The following DST variants were observed in gnomAD, a reference collection of about 807,000 sequenced individuals.
DST encodes the protein bullous pemphigoid antigen.
DST carries 253 observed loss-of-function variants against 875.2 expected under a neutral mutation model. The ratio of observed to expected loss-of-function variants is 0.29; its 90% CI spans 0.26 to 0.32. The LOEUF is 0.32. Among genes scored for constraint, DST ranks in the 10% least tolerant of loss-of-function variants. The pLI is 1.00. For synonymous variants in DST, 3,124 were observed against 3,197.1 expected, an observed-to-expected ratio of 0.98 and a Z score of 0.77; for missense variants, 8,287 against 9,111.6, an observed-to-expected ratio of 0.91 and a Z score of 3.68.
intron 55 of DST, among the ~76,000 whole-genome samples, chr6:56,565,125 CT>C (rs540989404): frequency 4.1e-4 from 50 of 122,756 alleles, no homozygotes; most frequent in East Asian, 7.3e-4. Context: ...TTTTTTTTTT[CT>C]TTTTTTTTTT....
At position 56,900,594 on chromosome 6, in the gene DST, T is replaced by C. The variant is rs754520487; in HGVS notation, c.244A>G (p.Arg82Gly). The change falls in exon 3 of 104, where the codon AGA (arginine) becomes GGA (glycine). Residue 82 changes from arginine to glycine, a missense_variant. Physicochemically the swap from Arg to Gly is moderately radical, Grantham distance 125. Around this residue, in one of 10 missense-constraint regions of DST, gnomAD observed 1,160 missense variants for 1,424.3 expected, o/e 0.81. Transcript: ENST00000680361. ...GCTGCGGCCGCTGCAACTCGTCTTC[T>C]AAGATGCCGAGGGCTTGCTCTGAAT... is the stretch of plus-strand genomic sequence containing the variant. ...EGFRASPRHL[R>G]RRVAAAAAAR... 2 of 1,367,638 alleles carry C rather than the reference T, an allele frequency of 1.5e-6. No individual in the cohort carries two copies. Among genetic ancestry groups the C allele is most frequent in the African/African-American group, 2.9e-5 (2 of 67,850 alleles). 84.7% of individuals were successfully genotyped at this position (1,367,638 alleles called of 1,614,324 possible).
chr6:56,651,200 A>G lies in DST; in HGVS notation c.1259T>C (p.Leu420Pro). The part of the protein sequence containing the change: ...DMNTVAVQSN[L>P]ANLEHAFYVA... Reference sequence around the variant, plus strand: ...GTAAAAAGCATGCTCTAAATTTGCAAGGTTGCTTTGAACAGCAACAGTATT... The same window carrying G: ...GTAAAAAGCATGCTCTAAATTTGCAGGGTTGCTTTGAACAGCAACAGTATT... Residue 420 changes from leucine to proline, a missense_variant, in exon 11 of 104, where the codon CTT becomes CCT. Physicochemically the swap from Leu to Pro is moderately conservative, Grantham distance 98. This residue lies in a region of DST where 1,160 missense variants were observed against 1,424.3 expected (regional missense o/e 0.81). Transcript: ENST00000680361. The G allele has an allele frequency of 1.2e-6, 2 of 1,611,844 alleles. No homozygotes were observed.
Position 56,609,044 on chromosome 6 carries a change from T to C in DST, c.5584A>G (p.Ser1862Gly). 1.2e-6 allele frequency: 2 copies of C among 1,613,880 alleles called. No individual in the cohort carries two copies. Among genetic ancestry groups the C allele is most frequent in the Non-Finnish European group, 1.7e-6 (2 of 1,179,804 alleles). Residue 1862 changes from serine (S) to glycine (G), a missense_variant, in exon 40 of 104, where the codon AGC becomes GGC. Physicochemically the swap from Ser to Gly is moderately conservative, Grantham distance 56 (BLOSUM62 0). Coordinates refer to ENST00000680361, the MANE Select transcript of DST (RefSeq NM_001374736.1). The stretch of plus-strand genomic sequence containing the variant: ...ATGGCCATGGATTCTGTTATCATGC[T>C]TTGAGCTAGAGCATCCAGTACTGGA... ...TIPVLDALAQ[S>G]MITESMAIKV...
At chr6:56,925,221 GTGT>G (rs558757438) in intron 2 of DST, among the ~76,000 whole-genome samples, 41 of 152,230 alleles carry the variant, frequency 2.7e-4, no homozygotes, top group African/African-American at 9.6e-4. Flanking sequence ...CATCACACTA[GTGT>G]TGTTTTTTTT....
chr6:56,621,319 C>T (rs2098688947), intron 36 of DST, among the ~76,000 whole-genome samples: 3 of 152,148 alleles, frequency 2.0e-5, no homozygotes, highest in African/African-American at 4.8e-5. Flanking sequence ...GAAAATTATA[C>T]AAAAACTTGA....
intron 4 of DST, among the ~76,000 whole-genome samples, chr6:56,801,854 A>G (rs929916369): frequency 4.0e-5 from 6 of 150,474 alleles, no homozygotes; most frequent in Non-Finnish European, 7.4e-5. Flanking sequence ...GGTTCAAGCG[A>G]TTCTCCTGAC....
chr6:56,629,388 T>C lies in DST; in HGVS notation c.4337A>G (p.Glu1446Gly), dbSNP rs779339222. ...KRQVFHALED[E>G]LQKAKAISDE... is the part of the protein sequence containing the mutation. ...ACTGATGGCTTTAGCTTTCTGCAACTCATCCTCTAAGGCATGGAATACCTG... is the reference window on the plus strand; with the variant it reads ...ACTGATGGCTTTAGCTTTCTGCAACCCATCCTCTAAGGCATGGAATACCTG... The change falls in exon 32 of 104, where the codon GAG becomes GGG. Residue 1446 changes from glutamate (E) to glycine (G), a missense_variant. By Grantham distance (98) the Glu-to-Gly change is moderately conservative (BLOSUM62 -2). Around this residue, in one of 10 missense-constraint regions of DST, gnomAD observed 3,138 missense variants for 3,116.6 expected, o/e 1.01. Transcript: ENST00000680361. 1 of 1,613,658 alleles carries C rather than the reference T, an allele frequency of 6.2e-7. No individual in the cohort carries two copies. The highest frequency in any genetic ancestry group is 1.1e-5 in the South Asian group (1 of 91,076).
intron 2 of DST, among the ~76,000 whole-genome samples, chr6:56,901,115 C>T (rs1221489120): frequency 6.6e-6 from 1 of 152,172 alleles, no homozygotes; most frequent in Non-Finnish European, 1.5e-5. Flanking sequence ...GGGTTCCAAA[C>T]TCAAATGGAA....
chr6:56,758,076 A>C (rs1038326248), intron 4 of DST, among the ~76,000 whole-genome samples: 2 of 152,224 alleles, frequency 1.3e-5, no homozygotes, highest in Admixed American at 6.5e-5. Flanking sequence ...ACTTGGTATA[A>C]TCAAGCGCGT....
chr6:56,909,401 C>T (rs1488675797), intron 2 of DST, among the ~76,000 whole-genome samples: 3 of 152,202 alleles, frequency 2.0e-5, no homozygotes, highest in Admixed American at 1.3e-4. Context: ...ACAGCCACTT[C>T]TCCATGCTCT....
In DST at chr6:56,597,797, A is replaced by C. The variant is rs371778830; in HGVS notation, c.12138T>G (p.Val4046=). ...EVNGNLLETD[V]DGQVGTTQEN... is the part of the protein sequence containing the mutation. ...CCTGAGTGGTTCCAACTTGCCCATC[A>C]ACATCAGTCTCCAACAGGTTACCAT... is the stretch of plus-strand genomic sequence containing the variant. Residue 4046 remains valine (V), a synonymous_variant, in exon 47 of 104, where the codon GTT becomes GTG. Transcript: ENST00000680361. 1.2e-6 allele frequency: 2 copies of C among 1,613,936 alleles called. No homozygotes were observed. The highest frequency in any genetic ancestry group is 2.7e-5 in the African/African-American group (2 of 75,048).
intron 15 of DST, among the ~76,000 whole-genome samples, chr6:56,644,003 C>G (rs1038850783): frequency 6.6e-6 from 1 of 152,178 alleles, no homozygotes; most frequent in Non-Finnish European, 1.5e-5. Context: ...GAGGCTTAGA[C>G]GGTTAAAGAA....
Position 56,687,464 on chromosome 6 carries a change from A to T in DST, c.1047+12189T>A, listed in dbSNP as rs1054106692. Reference sequence around the variant, plus strand: ...TAGCCCTGTGACTTCTCTGGGCCTCAGTTTCTTCTTTTGTAAAATGAGTAT... The same window carrying T: ...TAGCCCTGTGACTTCTCTGGGCCTCTGTTTCTTCTTTTGTAAAATGAGTAT... On this transcript the variant is annotated intron_variant, in intron 9 of 103. Transcript: ENST00000680361. Among the ~76,000 whole-genome samples the T allele has an allele frequency of 3.9e-5, 6 of 152,276 alleles. No homozygotes were observed. The East Asian group carries it at 1.2e-3, about 29-fold the overall frequency.
intron 4 of DST, among the ~76,000 whole-genome samples, chr6:56,811,848 A>G (rs2153036155): frequency 6.6e-6 from 1 of 152,226 alleles, no homozygotes; most frequent in South Asian, 2.1e-4. Context: ...TAATCCCAGC[A>G]CTTTGGGAGG....
intron 95 of DST, 59 bp from the exon 96 acceptor site, chr6:56,470,341 C>G (rs781716970): frequency 2.9e-5 from 39 of 1,363,324 alleles, no homozygotes; most frequent in African/African-American, 7.2e-5. Context: ...AAGACATTCT[C>G]AATTGCACAT....
Position 56,605,781 on chromosome 6 carries a change from A to C in DST, c.8847T>G (p.Thr2949=). Residue 2949 remains threonine (T), a synonymous_variant, in exon 40 of 104, where the codon ACT becomes ACG. Transcript: ENST00000680361. ...ISHDNNNISS[T]SELGTDLANT... is the part of the protein sequence containing the mutation. ...TTGCTAGATCAGTACCTAATTCAGA[A>C]GTTGAACTGATATTATTATTATCAT... The C allele has an allele frequency of 6.2e-7, 1 of 1,612,682 alleles. No homozygotes were observed. Among genetic ancestry groups the C allele is most frequent in the Non-Finnish European group, 8.5e-7 (1 of 1,179,278 alleles).
chr6:56,491,645 C>A (rs1030640189), intron 85 of DST, among the ~76,000 whole-genome samples: 1 of 152,046 alleles, frequency 6.6e-6, no homozygotes, highest in Non-Finnish European at 1.5e-5. Flanking sequence ...AAATTAATTT[C>A]AAAGTGAGAT....
chr6:56,659,420 A>C (rs973189507), intron 10 of DST, among the ~76,000 whole-genome samples: 1 of 152,212 alleles, frequency 6.6e-6, no homozygotes, highest in Non-Finnish European at 1.5e-5. Flanking sequence ...AGTGGGAGAA[A>C]AACCAGGAGT....
chr6:56,691,478 T>C (rs115198796), intron 9 of DST, among the ~76,000 whole-genome samples: 83 of 152,304 alleles, frequency 5.4e-4, no homozygotes, highest in African/African-American at 1.7e-3. Flanking sequence ...TCTCTGCTCA[T>C]TGATACAATG....
Sources: gnomAD v4.1 joint callset for allele counts (sites outside exome capture counted in the v4.1 genomes callset) on GRCh38, gnomAD v4.1.1 for gene constraint, gnomAD v4.1.1 regional missense constraint, MANE v1.5 for transcripts, NCBI Gene and HGNC (gene_info 2026-07-23, HGNC 2026-07-21) for gene names.